KIT: variants seen among roughly 807,000 people sequenced by gnomAD.
The protein encoded by KIT is KIT proto-oncogene, receptor tyrosine kinase, also known as mast/stem cell growth factor receptor Kit.
Under a neutral mutation model 105.7 loss-of-function variants are expected in KIT, and 16 were observed. That is an observed-to-expected ratio of 0.15 (90% CI 0.10 to 0.23). The LOEUF is 0.23. Among genes scored for constraint, KIT ranks in the 10% least tolerant of loss-of-function variants. The probability of loss-of-function intolerance (pLI) is 1.00; values close to 1 mark genes in which losing one functional copy is unlikely to be tolerated. For synonymous variants in KIT, 438 were observed against 441.1 expected (o/e 0.99, Z 0.09); for missense variants, 858 against 1,213.8 (o/e 0.71, Z 4.36).
chr4:54,702,818 C>T (rs1720536402), intron 4 of KIT, among the ~76,000 whole-genome samples: 1 of 152,140 alleles, frequency 6.6e-6, no homozygotes, highest in African/African-American at 2.4e-5. Context: ...GATGCTTTAA[C>T]TCTATTAGGT....
At chr4:54,710,696 C>T (rs959548900) in intron 7 of KIT, among the ~76,000 whole-genome samples, 7 of 152,078 alleles carry the variant, frequency 4.6e-5, no homozygotes, top group African/African-American at 1.7e-4. Context: ...GGCATCCCAC[C>T]ACACCCAGCT....
intron 1 of KIT, among the ~76,000 whole-genome samples, chr4:54,671,981 A>T (rs1185998402): frequency 3.9e-5 from 6 of 152,192 alleles, no homozygotes; most frequent in Admixed American, 3.9e-4. Flanking sequence ...GAACATAATG[A>T]TGATGCCAAT....
rs768971014 is a variant in KIT at position 54,698,532 on chromosome 4, C to A, written c.586C>A (p.Leu196Met). 8 of 1,614,062 alleles carry A rather than the reference C, an allele frequency of 5.0e-6. No homozygotes were observed. The South Asian group carries it at 7.7e-5, about 16-fold the overall frequency. Residue 196 changes from leucine to methionine, a missense_variant, in exon 3 of 21, where the codon CTG becomes ATG. Leu to Met is a conservative substitution (Grantham distance 15). Coordinates refer to ENST00000288135, the MANE Select transcript of KIT (RefSeq NM_000222.3). ...CSVDQEGKSVLSEKFILKVRP... is the reference protein window; with the variant it reads ...CSVDQEGKSVMSEKFILKVRP... ...TGTGGACCAGGAGGGCAAGTCAGTG[C>A]TGTCGGAAAAATTCATCCTGAAAGT...
intron 1 of KIT, among the ~76,000 whole-genome samples, chr4:54,686,003 CCTT>C (rs1719289923): frequency 6.6e-6 from 1 of 152,160 alleles, no homozygotes; most frequent in Admixed American, 6.6e-5. Context: ...GCTGTGAGCC[CCTT>C]CTTTGTATTC....
At chr4:54,661,817 C>A (rs549347507) in intron 1 of KIT, among the ~76,000 whole-genome samples, 44 of 152,224 alleles carry the variant, frequency 2.9e-4, no homozygotes, top group African/African-American at 1.1e-3. Context: ...CTTTGTTGTA[C>A]TTAGAGAGGA....
At position 54,664,582 on chromosome 4, in the gene KIT, ATTATTTATTTATTTAT is replaced by A. The variant is rs3033777; in HGVS notation, c.67+6530_67+6545del. 2.6e-3 allele frequency among the ~76,000 whole-genome samples: 381 copies of A among 144,396 alleles called. 4 individuals carry two copies. Among genetic ancestry groups the A allele is most frequent in the African/African-American group, 4.2e-3 (160 of 38,488 alleles). 94.7% of individuals were successfully genotyped at this position (144,396 alleles called of 152,430 possible). ...CAAGACTAAGGGAGAGTCTGTTTTT[ATTATTTATTTATTTAT>A]TTATTTATTTATTTATTTATTTATT... On this transcript the variant is annotated intron_variant, in intron 1 of 20. Coordinates refer to ENST00000288135, the MANE Select transcript of KIT (RefSeq NM_000222.3).
chr4:54,695,737 C>A lies in KIT; in HGVS notation c.293C>A (p.Thr98Asn), dbSNP rs1577953102. 1.2e-6 allele frequency: 2 copies of A among 1,614,122 alleles called. No individual in the cohort carries two copies. The highest frequency in any genetic ancestry group is 1.3e-5 in the African/African-American group (1 of 74,934). ...EATNTGKYTC[T>N]NKHGLSNSIY... ...ACCAACACCGGCAAATACACGTGCA[C>A]CAACAAACACGGCTTAAGCAATTCC... The change falls in exon 2 of 21, where the codon ACC becomes AAC. Residue 98 changes from threonine (T) to asparagine (N), a missense_variant. This residue lies in a region of KIT where 401 missense variants were observed against 601.0 expected (regional missense o/e 0.67). Transcript: ENST00000288135.
At chr4:54,696,842 G>A (rs937571523) in intron 2 of KIT, among the ~76,000 whole-genome samples, 28 of 152,232 alleles carry the variant, frequency 1.8e-4, no homozygotes, top group Non-Finnish European at 4.4e-5. Context: ...TCACCACTTC[G>A]CCTCAGGGCA....
At chr4:54,727,768 T>A (rs1186327143) in intron 11 of KIT, 55 bp from the exon 12 acceptor site, 1 of 1,450,360 alleles carries the variant, frequency 6.9e-7, no homozygotes, top group African/African-American at 1.4e-5. Context: ...CAAATGGTCC[T>A]TCAATTCCAC....
chr4:54,702,631 T>C (rs1489876540), intron 4 of KIT, among the ~76,000 whole-genome samples: 2 of 152,198 alleles, frequency 1.3e-5, no homozygotes, highest in Admixed American at 1.3e-4. Flanking sequence ...ATAGTCATAA[T>C]GCTATACTTG....
chr4:54,708,493 T>A (rs1165558142), intron 6 of KIT, among the ~76,000 whole-genome samples: 1 of 152,160 alleles, frequency 6.6e-6, no homozygotes, highest in Non-Finnish European at 1.5e-5. Context: ...AGTCACTTAC[T>A]GGCTGCAGAC....
intron 7 of KIT, among the ~76,000 whole-genome samples, chr4:54,710,223 C>G (rs1028039789): frequency 6.6e-6 from 1 of 152,214 alleles, no homozygotes; most frequent in East Asian, 1.9e-4. Context: ...GACCTTTTGC[C>G]AAGTGCAGGG....
Position 54,740,155 on chromosome 4 carries a change from A to G in KIT, c.*1598A>G, listed in dbSNP as rs926565531. 4.3e-6 allele frequency: 1 copy of G among 233,456 alleles called. No homozygotes were observed. Among genetic ancestry groups the G allele is most frequent in the Non-Finnish European group, 8.5e-6 (1 of 117,998 alleles). The allele number at this position is 233,456 out of a possible 1,614,324, so 14.5% of individuals were successfully genotyped here. A position where few individuals can be genotyped will look rare whatever the true frequency, so the allele number is the denominator to read the frequency against. ...TGCCTTTATGGTTTCCCCCTTCTAC[A>G]TTTCTTAGACTACATTTAGAGAACT... On this transcript the variant is annotated 3_prime_UTR_variant, in exon 21 of 21. Transcript: ENST00000288135.
chr4:54,704,785 C>T (rs1304783080), intron 5 of KIT, among the ~76,000 whole-genome samples: 4 of 152,056 alleles, frequency 2.6e-5, no homozygotes, highest in Non-Finnish European at 5.9e-5. Context: ...TCTAAGGTGG[C>T]AAAATTCTTG....
In KIT at chr4:54,680,209, C is replaced by A. The variant is rs531486987; in HGVS notation, c.68-15303C>A. Reference sequence around the variant, plus strand: ...AAACATTTCTTAAATGCCCCAGTTGCCAGATATATGTGTATATATACACAT... The same window carrying A: ...AAACATTTCTTAAATGCCCCAGTTGACAGATATATGTGTATATATACACAT... On this transcript the variant is annotated intron_variant, in intron 1 of 20. Transcript: ENST00000288135. Among the ~76,000 whole-genome samples, 5 of 151,988 alleles carry A rather than the reference C, an allele frequency of 3.3e-5. No homozygotes were observed. In the South Asian group the frequency reaches 1.0e-3, roughly 32 times the overall value.
rs1719610997 is a variant in KIT at position 54,690,218 on chromosome 4, A to G, written c.68-5294A>G. On this transcript the variant is annotated intron_variant, in intron 1 of 20. Coordinates refer to ENST00000288135, the MANE Select transcript of KIT (RefSeq NM_000222.3). ...CTGCTGGGAACATTGGTGTACAAGT[A>G]TGGGTTTGAGTTTCTGCTTTCAATT... 2.0e-5 allele frequency among the ~76,000 whole-genome samples: 3 copies of G among 152,136 alleles called. No individual in the cohort carries two copies. In the South Asian group the frequency reaches 6.2e-4, roughly 32 times the overall value.
Position 54,662,381 on chromosome 4 carries a change from C to T in KIT, c.67+4300C>T, listed in dbSNP as rs761682639. 2.6e-5 allele frequency among the ~76,000 whole-genome samples: 4 copies of T among 152,254 alleles called. No homozygotes were observed. In the South Asian group the frequency reaches 8.3e-4, roughly 32 times the overall value. The stretch of plus-strand genomic sequence containing the variant: ...TGCCACTTATTAGCTCTGTGACTTT[C>T]GGCAGATTACTTAACCTCTCTGTGC... On this transcript the variant is annotated intron_variant, in intron 1 of 20. Transcript: ENST00000288135.
Position 54,695,556 on chromosome 4 carries a change from T to A in KIT, c.112T>A (p.Ser38Thr), listed in dbSNP as rs1720002282. The A allele has an allele frequency of 6.2e-7, 1 of 1,613,754 alleles. No individual in the cohort carries two copies. Reference sequence around the variant, plus strand: ...GAGTCCAGGGGAACCGTCTCCACCATCCATCCATCCAGGAAAATCAGACTT... The same window carrying A: ...GAGTCCAGGGGAACCGTCTCCACCAACCATCCATCCAGGAAAATCAGACTT... ...SVSPGEPSPP[S>T]IHPGKSDLIV... The change falls in exon 2 of 21, where the codon TCC (serine) becomes ACC (threonine). Residue 38 changes from serine (S) to threonine (T), a missense_variant. Around this residue, in one of 7 missense-constraint regions of KIT, gnomAD observed 401 missense variants for 601.0 expected, o/e 0.67. Transcript: ENST00000288135.
intron 1 of KIT, among the ~76,000 whole-genome samples, chr4:54,664,893 T>G (rs923158991): frequency 1.3e-5 from 2 of 151,816 alleles, no homozygotes; most frequent in Non-Finnish European, 2.9e-5. Context: ...TGGCCTGTTT[T>G]TTTTTTTTTT....
Sources: gnomAD v4.1 joint callset for allele counts (sites outside exome capture counted in the v4.1 genomes callset) on GRCh38, gnomAD v4.1.1 for gene constraint, gnomAD v4.1.1 regional missense constraint, MANE v1.5 for transcripts, NCBI Gene and HGNC (gene_info 2026-07-23, HGNC 2026-07-21) for gene names.